STAP2: variants seen among roughly 807,000 people sequenced by gnomAD.
STAP2 encodes the protein signal transducing adaptor family member 2, also known as signal-transducing adaptor protein 2.
In STAP2, 58 loss-of-function variants were observed where a neutral mutation model predicts 52.7. That is an observed-to-expected ratio of 1.10 (90% CI 0.89 to 1.37). The LOEUF (loss-of-function observed/expected upper bound fraction) is 1.37, where lower values mean the gene tolerates loss of function less well. Among genes scored for constraint, STAP2 ranks in the 40% most tolerant of loss-of-function variants. The probability of loss-of-function intolerance (pLI) is 0.00; values close to 1 mark genes in which losing one functional copy is unlikely to be tolerated. For synonymous variants in STAP2, 231 were observed against 210.5 expected (o/e 1.10, Z -0.84); for missense variants, 522 against 519.4 (o/e 1.00, Z -0.05).
In STAP2 at chr19:4,330,040, T is replaced by A; in HGVS notation, c.376A>T (p.Thr126Ser). The A allele has an allele frequency of 1.2e-6, 2 of 1,613,172 alleles. No homozygotes were observed. The highest frequency in any genetic ancestry group is 2.2e-5 in the South Asian group (2 of 91,056). Residue 126 changes from threonine to serine, a missense_variant, in exon 5 of 13, where the codon ACC becomes TCC. Coordinates refer to ENST00000594605, the MANE Select transcript of STAP2 (RefSeq NM_001013841.2). ...ATGTATAGGTGCCCAGGAAGCAGGG[T>A]CAAGTCGGTCGGGACACGGAGCTGA... The part of the protein sequence containing the change: ...VVELRVPTDL[T>S]LLPGHLYMMS...
intron 3 of STAP2, 38 bp downstream of exon 3, chr19:4,333,656 A>G (rs1971928053): frequency 6.3e-7 from 1 of 1,581,068 alleles, no homozygotes; most frequent in African/African-American, 1.4e-5. Flanking sequence ...ATCTTCTGCA[A>G]GCACCGCCCC....
rs762931137 is a variant in STAP2 at position 4,330,002 on chromosome 19, G to C, written c.414C>G (p.Val138=). 1.9e-6 allele frequency: 3 copies of C among 1,613,724 alleles called. No individual in the cohort carries two copies. Among genetic ancestry groups the C allele is most frequent in the Non-Finnish European group, 2.5e-6 (3 of 1,179,998 alleles). The part of the protein sequence containing the change: ...LPGHLYMMSE[V]LAKEEARRAL... ...CACGGCGCGCCTCCTCTTTGGCCAA[G>C]ACTTCAGACATCATGTATAGGTGCC... The change falls in exon 5 of 13, where the codon GTC becomes GTG. Residue 138 remains valine, a synonymous_variant. Coordinates refer to ENST00000594605, the MANE Select transcript of STAP2 (RefSeq NM_001013841.2).
chr19:4,327,127 G>A lies in STAP2; in HGVS notation c.760C>T (p.Leu254=), dbSNP rs1424713863. ...AACTCCCCGAAGGGGCACCCACCTA[G>A]CACCTTCTCGTAGTCCTCGTCTAAC... The part of the protein sequence containing the change: ...FLLDEDYEKV[L]GYVEADKENG... Residue 254 remains leucine (L), a synonymous_variant, in exon 8 of 13, where the codon CTA becomes TTA. Transcript: ENST00000594605. 6.2e-7 allele frequency: 1 copy of A among 1,614,182 alleles called. No individual in the cohort carries two copies. The highest frequency in any genetic ancestry group is 8.5e-7 in the Non-Finnish European group (1 of 1,180,016).
At chr19:4,328,873 C>T (rs898726877) in intron 5 of STAP2, 64 bp from the exon 6 acceptor site, 9 of 1,567,714 alleles carry the variant, frequency 5.7e-6, no homozygotes, top group Non-Finnish European at 8.6e-7. Flanking sequence ...TGCACGTAAA[C>T]CCTGCCTCCT....
At position 4,324,370 on chromosome 19, in the gene STAP2, G is replaced by T. The variant is rs545135707; in HGVS notation, c.1147+85C>A. The T allele has an allele frequency of 2.9e-6, 4 of 1,364,496 alleles. No individual in the cohort carries two copies. In the Admixed American group the frequency reaches 8.6e-5, roughly 29 times the overall value. The allele number at this position is 1,364,496 out of a possible 1,614,324, so 84.5% of individuals were successfully genotyped here. Reference sequence around the variant, plus strand: ...GAGACAGCAGAACCTTAAAAGACAGGGCGCTTCGGAGTGTGGGGACTTGTG... The same window carrying T: ...GAGACAGCAGAACCTTAAAAGACAGTGCGCTTCGGAGTGTGGGGACTTGTG... On this transcript the variant is annotated intron_variant, in intron 12 of 12. Transcript: ENST00000594605.
In STAP2 at chr19:4,325,269, T is replaced by C; in HGVS notation, c.1019A>G (p.Lys340Arg). The change falls in exon 11 of 13, where the codon AAG becomes AGG. Residue 340 changes from lysine (K) to arginine (R), a missense_variant. Lys to Arg is a conservative substitution (Grantham distance 26). Coordinates refer to ENST00000594605, the MANE Select transcript of STAP2 (RefSeq NM_001013841.2). ...AAGCTTGGCAGGAGGCTTTGGCAACTTCTTTGGCTTCAGGATGACTGGCCA... is the reference window on the plus strand; with the variant it reads ...AAGCTTGGCAGGAGGCTTTGGCAACCTCTTTGGCTTCAGGATGACTGGCCA... ...SSWPVILKPK[K>R]LPKPPAKLPK... 1 of 1,613,052 alleles carries C rather than the reference T, an allele frequency of 6.2e-7. No homozygotes were observed. Among genetic ancestry groups the C allele is most frequent in the Non-Finnish European group, 8.5e-7 (1 of 1,179,504 alleles).
chr19:4,337,674 CTG>C (rs1786933609), intron 1 of STAP2, among the ~76,000 whole-genome samples: 1 of 151,774 alleles, frequency 6.6e-6, no homozygotes, highest in African/African-American at 2.4e-5. Context: ...AAATGAAACA[CTG>C]TCTTTACTAA....
In STAP2 at chr19:4,325,503, G is replaced by T. The variant is rs770230350; in HGVS notation, c.872C>A (p.Ala291Glu). 4 of 1,610,314 alleles carry T rather than the reference G, an allele frequency of 2.5e-6. 1 individual carries two copies. The South Asian group carries it at 4.4e-5, about 18-fold the overall frequency. Residue 291 changes from alanine (A) to glutamate (E), a missense_variant, in exon 10 of 13, where the codon GCG becomes GAG. Physicochemically the swap from Ala to Glu is moderately radical, Grantham distance 107 (BLOSUM62 -1). Transcript: ENST00000594605. ...TGGGGGCAGCTTGTCCTGGCTAGAC[G>T]CAGGTGACAGCGGCTTGGGGCCACC... ...CTGGPKPLSPASSQDKLPPLP... is the reference protein window; with the variant it reads ...CTGGPKPLSPESSQDKLPPLP...
At position 4,324,484 on chromosome 19, in the gene STAP2, C is replaced by G; in HGVS notation, c.1118G>C (p.Ser373Thr). 2 of 1,576,298 alleles carry G rather than the reference C, an allele frequency of 1.3e-6. No homozygotes were observed. The highest frequency in any genetic ancestry group is 4.6e-5 in the East Asian group (2 of 43,596). ...NGGLGRKLPV[S>T]SAQPLFPTAG... is the part of the protein sequence containing the mutation. ...TGTGGGGAAGAGAGGCTGGGCTGAA[C>G]TGACTGGCAGCTTCCTGCCCAAGCC... The change falls in exon 12 of 13, where the codon AGT becomes ACT. Residue 373 changes from serine (S) to threonine (T), a missense_variant. By Grantham distance (58) the Ser-to-Thr change is moderately conservative (BLOSUM62 1). Transcript: ENST00000594605.
In STAP2 at chr19:4,325,514, C is replaced by T. The variant is rs145032917; in HGVS notation, c.861G>A (p.Pro287=). 3.2e-5 allele frequency: 52 copies of T among 1,606,052 alleles called. 1 individual carries two copies. Among genetic ancestry groups the T allele is most frequent in the South Asian group, 3.1e-4 (28 of 89,398 alleles). Residue 287 remains proline, a synonymous_variant, in exon 10 of 13, where the codon CCG becomes CCA. Coordinates refer to ENST00000594605, the MANE Select transcript of STAP2 (RefSeq NM_001013841.2). ...GPAPCTGGPK[P]LSPASSQDKL... ...TGTCCTGGCTAGACGCAGGTGACAGCGGCTTGGGGCCACCTGTGCAGGGTG... is the reference window on the plus strand; with the variant it reads ...TGTCCTGGCTAGACGCAGGTGACAGTGGCTTGGGGCCACCTGTGCAGGGTG...
intron 3 of STAP2, 96 bp from the exon 4 acceptor site, chr19:4,332,174 C>T (rs574167386): frequency 9.7e-6 from 8 of 826,780 alleles, no homozygotes; most frequent in Non-Finnish European, 1.4e-5. Flanking sequence ...TTCAAAGGGC[C>T]GTTTTCTTTT....
At chr19:4,333,608 T>G in intron 3 of STAP2, 86 bp downstream of exon 3, 1 of 1,505,092 alleles carries the variant, frequency 6.6e-7, no homozygotes, top group Non-Finnish European at 8.8e-7. Context: ...TACCTGCCCC[T>G]TCGTGGTTGG....
intron 1 of STAP2, among the ~76,000 whole-genome samples, chr19:4,336,630 C>CT (rs930479673): frequency 7.2e-4 from 105 of 146,634 alleles, no homozygotes; most frequent in Non-Finnish European, 1.2e-3. Flanking sequence ...TCTTTCTTTT[C>CT]TTTTTTTTTT....
chr19:4,325,232 G>A lies in STAP2; in HGVS notation c.1056C>T (p.Pro352=), dbSNP rs371715359. 24 of 1,595,296 alleles carry A rather than the reference G, an allele frequency of 1.5e-5. No homozygotes were observed. Among genetic ancestry groups the A allele is most frequent in the East Asian group, 9.2e-5 (4 of 43,696 alleles). The stretch of plus-strand genomic sequence containing the variant: ...GACCCCAACCTGGCTTGGGTCCAAC[G>A]GGTGGCTTTGGAAGCTTGGCAGGAG... ...PKPPAKLPKP[P]VGPKPEPKVF... The change falls in exon 11 of 13, where the codon CCC becomes CCT. Residue 352 remains proline (P), a synonymous_variant. Coordinates refer to ENST00000594605, the MANE Select transcript of STAP2 (RefSeq NM_001013841.2).
At chr19:4,332,201 T>C (rs1971904435) in intron 3 of STAP2, 123 bp from the exon 4 acceptor site, 14 of 181,784 alleles carry the variant, frequency 7.7e-5, no homozygotes, top group South Asian at 3.8e-4. Flanking sequence ...TTCTTCTTTT[T>C]TTTTTTTTTT....
Position 4,332,058 on chromosome 19 carries a change from C to T in STAP2, c.318G>A (p.Arg106=), listed in dbSNP as rs1437168861. 1 of 1,613,252 alleles carries T rather than the reference C, an allele frequency of 6.2e-7. No individual in the cohort carries two copies. Among genetic ancestry groups the T allele is most frequent in the Admixed American group, 1.7e-5 (1 of 59,806 alleles). The change falls in exon 4 of 13, where the codon CGG becomes CGA. Residue 106 remains arginine (R), a synonymous_variant. Coordinates refer to ENST00000594605, the MANE Select transcript of STAP2 (RefSeq NM_001013841.2). ...TTAAGATGAAGCCTTTCCACATTTC[C>T]CGACACTCCAAGGTCTCTACCTGGG... is the stretch of plus-strand genomic sequence containing the variant. ...IKFKVETLEC[R]EMWKGFILTV...
chr19:4,327,298 C>A lies in STAP2; in HGVS notation c.660+18G>T. ...GACCCCACAAAGTCACTTCTAGGGACTCTGGCCCAACGCTCACCGGCTGTT... is the reference window on the plus strand; with the variant it reads ...GACCCCACAAAGTCACTTCTAGGGAATCTGGCCCAACGCTCACCGGCTGTT... On this transcript the variant is annotated intron_variant, in intron 7 of 12. Coordinates refer to ENST00000594605, the MANE Select transcript of STAP2 (RefSeq NM_001013841.2). The A allele has an allele frequency of 6.2e-7, 1 of 1,614,166 alleles. No individual in the cohort carries two copies. Among genetic ancestry groups the A allele is most frequent in the Non-Finnish European group, 8.5e-7 (1 of 1,179,996 alleles).
intron 1 of STAP2, among the ~76,000 whole-genome samples, chr19:4,334,771 C>A (rs1295641491): frequency 1.1e-5 from 1 of 90,686 alleles, no homozygotes; most frequent in Non-Finnish European, 2.3e-5. Context: ...TCCATCCACC[C>A]ACACATCCAT....
intron 5 of STAP2, 67 bp downstream of exon 5, chr19:4,329,894 C>A: frequency 7.2e-7 from 1 of 1,382,772 alleles, no homozygotes; most frequent in Non-Finnish European, 1.0e-6. Context: ...ACTCACCGCC[C>A]ACCCTCAGCC....
Sources: allele counts gnomAD v4.1 joint callset (sites outside exome capture counted in the v4.1 genomes callset), GRCh38; gene constraint gnomAD v4.1.1; transcripts MANE v1.5; gene names NCBI Gene and HGNC (gene_info 2026-07-23, HGNC 2026-07-21).